VPS26C: variants seen among roughly 807,000 people sequenced by gnomAD.
VPS26C encodes the protein vacuolar protein sorting-associated protein 26C.
Under a neutral mutation model 30.6 loss-of-function variants are expected in VPS26C, and 19 were observed. The ratio of observed to expected loss-of-function variants is 0.62; its 90% CI spans 0.43 to 0.91. The LOEUF is 0.91. Among genes scored for constraint, VPS26C ranks in the 40% least tolerant of loss-of-function variants. The pLI is 0.00. For synonymous variants in VPS26C, 132 were observed against 151.5 expected (o/e 0.87, Z 0.95); for missense variants, 318 against 385.1 (o/e 0.83, Z 1.46).
intron 1 of VPS26C, among the ~76,000 whole-genome samples, chr21:37,252,007 CCA>C (rs931670158): frequency 3.9e-5 from 6 of 152,194 alleles, no homozygotes; most frequent in Admixed American, 6.5e-5. Context: ...TCTTCGTTCC[CCA>C]CAGTCGTGTG....
At chr21:37,265,277 G>A (rs998199848) in intron 1 of VPS26C, among the ~76,000 whole-genome samples, 19 of 152,166 alleles carry the variant, frequency 1.2e-4, no homozygotes, top group Non-Finnish European at 7.3e-5. Flanking sequence ...GGTAAATTTC[G>A]TATTTTAAAT....
At chr21:37,238,741 C>T (rs1053758615) in intron 2 of VPS26C, 132 bp from the exon 3 acceptor site, 22 of 1,013,304 alleles carry the variant, frequency 2.2e-5, no homozygotes, top group East Asian at 4.9e-5. Context: ...GGCAGCTCTG[C>T]GCTGGGTCTG....
chr21:37,243,300 G>T (rs2086106034), intron 1 of VPS26C, among the ~76,000 whole-genome samples: 1 of 152,110 alleles, frequency 6.6e-6, no homozygotes, highest in African/African-American at 2.4e-5. Flanking sequence ...TACAAAGAGG[G>T]ACCGTTCACA....
Position 37,235,868 on chromosome 21 carries a change from TATATATATA to T in VPS26C, c.352-2435_352-2427del, listed in dbSNP as rs1257155481. On this transcript the variant is annotated intron_variant, in intron 3 of 7. Transcript: ENST00000309117. ...ATGTGTGTGTATATATATATATATA[TATATATATA>T]TATTTTTTTTTTTAATTAAAAAATT... Among the ~76,000 whole-genome samples the T allele has an allele frequency of 3.2e-4, 36 of 113,150 alleles. 1 individual carries two copies. The highest frequency in any genetic ancestry group is 6.9e-4 in the African/African-American group (22 of 31,848). The allele number at this position is 113,150 out of a possible 152,430, so 74.2% of individuals were successfully genotyped here. A position where few individuals can be genotyped will look rare whatever the true frequency, so the allele number is the denominator to read the frequency against.
intron 1 of VPS26C, among the ~76,000 whole-genome samples, chr21:37,256,127 T>C (rs111795065): frequency 0.016 from 2,439 of 152,280 alleles, 44 homozygotes; most frequent in African/African-American, 0.044. Context: ...TGAGCCACCG[T>C]GCCCGGCCCT....
chr21:37,227,723 C>T lies in VPS26C; in HGVS notation c.742G>A (p.Val248Ile). 1 of 1,614,168 alleles carries T rather than the reference C, an allele frequency of 6.2e-7. No individual in the cohort carries two copies. The highest frequency in any genetic ancestry group is 2.2e-5 in the East Asian group (1 of 44,872). Reference protein sequence around the residue: ...ADGDVCRGLSVPIYMVFPRLF... With the variant: ...ADGDVCRGLSIPIYMVFPRLF... ...CTAGGGAAGACCATGTAGATGGGGA[C>T]AGAGAGGCCCCTGCACACATCCCCG... Residue 248 changes from valine to isoleucine, a missense_variant, in exon 7 of 8, where the codon GTC becomes ATC. Coordinates refer to ENST00000309117, the MANE Select transcript of VPS26C (RefSeq NM_006052.2).
chr21:37,234,873 C>T (rs1882821884), intron 3 of VPS26C, among the ~76,000 whole-genome samples: 2 of 152,010 alleles, frequency 1.3e-5, no homozygotes, highest in Non-Finnish European at 2.9e-5. Flanking sequence ...TACGGAGTCT[C>T]ACTCTGTCAC....
intron 3 of VPS26C, among the ~76,000 whole-genome samples, chr21:37,237,165 A>G (rs545982343): frequency 6.6e-6 from 1 of 152,308 alleles, no homozygotes; most frequent in South Asian, 2.1e-4. Flanking sequence ...ACTTTAAACA[A>G]ATTCATCTTC....
Position 37,226,736 on chromosome 21 carries a change from C to T in VPS26C, c.811+918G>A, listed in dbSNP as rs1405458679. ...GGGCCTGACCGTGCATTTGAGGTCA[C>T]TCGCACGGAATTGGAGGGGAACACA... On this transcript the variant is annotated intron_variant, in intron 7 of 7. Transcript: ENST00000309117. This position sits in a 1 kb window ranked among gnomAD's most constrained non-coding sequence, Gnocchi z 4.1. 6.6e-6 allele frequency: 1 copy of T among 152,206 alleles called. No individual in the cohort carries two copies. The highest frequency in any genetic ancestry group is 2.4e-5 in the African/African-American group (1 of 41,448). The allele number at this position is 152,206 out of a possible 1,614,324, so 9.4% of individuals were successfully genotyped here.
intron 1 of VPS26C, among the ~76,000 whole-genome samples, chr21:37,258,335 A>G (rs1217889385): frequency 1.3e-4 from 19 of 148,522 alleles, no homozygotes; most frequent in Admixed American, 1.2e-3. Context: ...CCTGCCATTC[A>G]CCTTTCGACA....
rs1417320196 is a variant in VPS26C at position 37,232,058 on chromosome 21, GA to G, written c.507+318del. On this transcript the variant is annotated intron_variant, in intron 5 of 7. Coordinates refer to ENST00000309117, the MANE Select transcript of VPS26C (RefSeq NM_006052.2). ...GGGCGCAGGCCCCGGCTAACCATGAGAAATGAAGGGACGTGGCCGTGTCATG... is the reference window on the plus strand; with the variant it reads ...GGGCGCAGGCCCCGGCTAACCATGAGAATGAAGGGACGTGGCCGTGTCATG... The G allele has an allele frequency of 4.0e-5, 13 of 327,332 alleles. No homozygotes were observed. The East Asian group carries it at 7.1e-4, about 18-fold the overall frequency. The allele number at this position is 327,332 out of a possible 1,614,324, so 20.3% of individuals were successfully genotyped here. A position where few individuals can be genotyped will look rare whatever the true frequency, so the allele number is the denominator to read the frequency against.
chr21:37,232,623 T>C (rs544327226), intron 4 of VPS26C, 172 bp from the exon 5 acceptor site: 118 of 615,410 alleles, frequency 1.9e-4, no homozygotes, highest in Middle Eastern at 3.4e-4. Flanking sequence ...TTTCCCCATC[T>C]TGCTGAAACT....
chr21:37,238,278 G>A (rs1257865785), intron 3 of VPS26C, 182 bp downstream of exon 3: 6 of 649,656 alleles, frequency 9.2e-6, no homozygotes, highest in African/African-American at 3.7e-5. Flanking sequence ...CAGAAATAAC[G>A]GCCATACATC....
At chr21:37,243,491 C>G (rs2086108238) in intron 1 of VPS26C, among the ~76,000 whole-genome samples, 1 of 152,146 alleles carries the variant, frequency 6.6e-6, no homozygotes, top group South Asian at 2.1e-4. Context: ...ATCAGAGAAG[C>G]CAGCACAGAC....
At chr21:37,237,342 T>C (rs1274233126) in intron 3 of VPS26C, 1 of 152,178 alleles carries the variant, frequency 6.6e-6, no homozygotes, top group Non-Finnish European at 1.5e-5. Flanking sequence ...ATAATAAAAA[T>C]AATTTCCAAA....
chr21:37,243,269 C>T (rs150716498), intron 1 of VPS26C, among the ~76,000 whole-genome samples: 1,612 of 152,218 alleles, frequency 0.011, 23 homozygotes, highest in East Asian at 0.027. Context: ...CAAGCAGAGG[C>T]CTTCAACTGG....
chr21:37,262,096 CAG>C (rs1015161273), intron 1 of VPS26C, among the ~76,000 whole-genome samples: 4 of 152,040 alleles, frequency 2.6e-5, no homozygotes, highest in South Asian at 2.1e-4. Flanking sequence ...CCTAAGAAAA[CAG>C]AAATATTTTG....
At chr21:37,229,505 A>T (rs2085939858) in intron 5 of VPS26C, 1 of 152,226 alleles carries the variant, frequency 6.6e-6, no homozygotes, top group Non-Finnish European at 1.5e-5. Context: ...ACAGAAACAT[A>T]ATGCAAGCTG....
At chr21:37,265,908 CTCTTTTT>C (rs1161748266) in intron 1 of VPS26C, among the ~76,000 whole-genome samples, 1 of 116,194 alleles carries the variant, frequency 8.6e-6, no homozygotes, top group African/African-American at 3.3e-5. Flanking sequence ...GTAGCTTTTT[CTCTTTTT>C]TTTTTTTTTT....
Sources: allele counts gnomAD v4.1 joint callset (sites outside exome capture counted in the v4.1 genomes callset), GRCh38; gene constraint gnomAD v4.1.1; non-coding constraint Gnocchi (gnomAD v3.1); transcripts MANE v1.5; gene names NCBI Gene and HGNC (gene_info 2026-07-23, HGNC 2026-07-21).